SLC2A5: variants seen among roughly 807,000 people sequenced by gnomAD.
The protein encoded by SLC2A5 is solute carrier family 2 member 5.
A neutral mutation model predicts 50.3 loss-of-function variants in SLC2A5; 56 were observed. That is an observed-to-expected ratio of 1.11 (90% CI 0.90 to 1.39). The LOEUF (loss-of-function observed/expected upper bound fraction) is 1.39, where lower values mean the gene tolerates loss of function less well. Ranked by LOEUF, SLC2A5 falls within the 40% of genes most tolerant of loss-of-function variation. SLC2A5 has a pLI of 0.00. For missense variants in SLC2A5, 566 were observed against 650.1 expected (o/e 0.87, Z 1.41); for synonymous variants, 269 against 281.9 (o/e 0.95, Z 0.46).
At chr1:9,041,212 A>G in intron 5 of SLC2A5, 1 of 396,440 alleles carries the variant, frequency 2.5e-6, no homozygotes, top group Non-Finnish European at 4.4e-6. Context: ...TTAAAGGGAA[A>G]GTCGTGCAAA....
At chr1:9,063,614 C>G (rs1213505075) in intron 1 of SLC2A5, among the ~76,000 whole-genome samples, 7 of 150,630 alleles carry the variant, frequency 4.6e-5, no homozygotes, top group African/African-American at 1.7e-4. Context: ...CTCAAGTGAT[C>G]CACCTGCCTT....
intron 1 of SLC2A5, among the ~76,000 whole-genome samples, chr1:9,060,265 A>C: frequency 4.4e-5 from 5 of 113,104 alleles, no homozygotes; most frequent in Admixed American, 1.0e-4. Flanking sequence ...CTACACACAC[A>C]CTCCCCACAT....
chr1:9,042,424 T>TGC (rs1375207706), intron 4 of SLC2A5, among the ~76,000 whole-genome samples: 3 of 151,900 alleles, frequency 2.0e-5, no homozygotes, highest in African/African-American at 4.8e-5. Flanking sequence ...TGTGTGTGTG[T>TGC]GCGCGCGCAT....
chr1:9,073,486 C>T (rs2124466814), upstream of SLC2A5, among the ~76,000 whole-genome samples: 1 of 152,344 alleles, frequency 6.6e-6, no homozygotes, highest in South Asian at 2.1e-4. Flanking sequence ...GAGATTGAAG[C>T]CCCACAGGAC....
rs192562759 is a variant in SLC2A5 at position 9,084,178 on chromosome 1, C to T, written c.-59+836G>A. 2.6e-5 allele frequency among the ~76,000 whole-genome samples: 4 copies of T among 152,258 alleles called. No individual in the cohort carries two copies. In the East Asian group the frequency reaches 5.8e-4, roughly 22 times the overall value. ...AATAATAATAATACTAAACCCACAT[C>T]CACCAGTGCCATGACAGTTCCTGGG... On this transcript the variant is annotated intron_variant, in intron 2 of 5. Transcript: ENST00000464985.
upstream of SLC2A5, among the ~76,000 whole-genome samples, chr1:9,089,641 T>C (rs1054871215): frequency 6.6e-6 from 1 of 152,198 alleles, no homozygotes; most frequent in Non-Finnish European, 1.5e-5. Flanking sequence ...CCCCCACCTC[T>C]CTGGGAGTCT....
rs113429161 is a variant in SLC2A5 at position 9,041,582 on chromosome 1, C to T, written c.571+203G>A. On this transcript the variant is annotated intron_variant, in intron 5 of 11. Transcript: ENST00000377424. ...CTCCTAAGAGGGACTAGATAGTAAA[C>T]GCTGGCCAGTCCCTTATCGCGCCTT... is the stretch of plus-strand genomic sequence containing the variant. The T allele has an allele frequency of 7.0e-3, 10,001 of 1,432,420 alleles. 39 individuals are homozygous for T. The highest frequency in any genetic ancestry group is 7.6e-3 in the Non-Finnish European group (8,311 of 1,089,420). The allele number at this position is 1,432,420 out of a possible 1,614,324, so 88.7% of individuals were successfully genotyped here.
At chr1:9,049,149 G>A (rs1381042006) in intron 3 of SLC2A5, 4 of 456,086 alleles carry the variant, frequency 8.8e-6, no homozygotes, top group East Asian at 6.9e-5. Context: ...GGGGCCTCTC[G>A]CAATGGAGCC....
At chr1:9,046,792 T>C (rs142442231) in intron 4 of SLC2A5, among the ~76,000 whole-genome samples, 1 of 152,248 alleles carries the variant, frequency 6.6e-6, no homozygotes, top group African/African-American at 2.4e-5. Flanking sequence ...TATTTATTTA[T>C]CTTTGAGATG....
intron 3 of SLC2A5, among the ~76,000 whole-genome samples, chr1:9,048,828 T>C (rs1212125873): frequency 3.9e-5 from 6 of 152,004 alleles, no homozygotes; most frequent in Admixed American, 2.0e-4. Flanking sequence ...GCTAAGTGTT[T>C]GTATTTGTAA....
chr1:9,062,993 G>A (rs1199758052), intron 1 of SLC2A5, among the ~76,000 whole-genome samples: 6 of 152,166 alleles, frequency 3.9e-5, no homozygotes, highest in Non-Finnish European at 7.3e-5. Context: ...AACGGGCCAC[G>A]GTAGGGGTTA....
chr1:9,067,956 G>A (rs557679090), intron 1 of SLC2A5, among the ~76,000 whole-genome samples: 10 of 152,148 alleles, frequency 6.6e-5, no homozygotes, highest in East Asian at 1.9e-4. Context: ...TTGGGAGGCC[G>A]AGGCGGGCGG....
At chr1:9,047,802 G>A in intron 3 of SLC2A5, 68 bp from the exon 4 acceptor site, 1 of 1,546,812 alleles carries the variant, frequency 6.5e-7, no homozygotes, top group Non-Finnish European at 8.8e-7. Context: ...AATGTTTCTG[G>A]AGTGTCTCCT....
At chr1:9,071,553 C>CT (rs1338509954), upstream of SLC2A5, 1 of 152,552 alleles carries the variant, frequency 6.6e-6, no homozygotes, top group Non-Finnish European at 1.5e-5. Context: ...CCGGGGGTCG[C>CT]TGGGGGGGAC....
At chr1:9,064,572 G>C (rs758187894) in intron 1 of SLC2A5, among the ~76,000 whole-genome samples, 6 of 152,050 alleles carry the variant, frequency 3.9e-5, no homozygotes, top group Non-Finnish European at 7.4e-5. Context: ...AAACTTTTTG[G>C]GGGATGTGTA....
upstream of SLC2A5, among the ~76,000 whole-genome samples, chr1:9,090,793 T>C (rs77263919): frequency 0.029 from 4,362 of 152,310 alleles, 94 homozygotes; most frequent in Middle Eastern, 0.048. Flanking sequence ...ACTATTTCTG[T>C]CAGGCACTTC....
intron 2 of SLC2A5, 78 bp from the exon 3 acceptor site, chr1:9,057,686 C>A: frequency 1.0e-5 from 13 of 1,299,506 alleles, no homozygotes; most frequent in Non-Finnish European, 1.4e-5. Flanking sequence ...TTAGGACACC[C>A]AATGAAATAA....
At chr1:9,058,064 C>T (rs1268835456) in intron 2 of SLC2A5, 88 bp downstream of exon 2, 3 of 926,022 alleles carry the variant, frequency 3.2e-6, no homozygotes, top group East Asian at 2.5e-5. Flanking sequence ...GGACCCACTG[C>T]GTGAACAGCC....
intron 4 of SLC2A5, among the ~76,000 whole-genome samples, chr1:9,043,760 C>T (rs1454388588): frequency 2.7e-5 from 4 of 150,476 alleles, no homozygotes; most frequent in Admixed American, 1.3e-4. Flanking sequence ...TCGCTCTTGT[C>T]GCCCAGGCTG....
Sources: allele counts gnomAD v4.1 joint callset (sites outside exome capture counted in the v4.1 genomes callset), GRCh38; gene constraint gnomAD v4.1.1; transcripts MANE v1.5; gene names NCBI Gene and HGNC (gene_info 2026-07-23, HGNC 2026-07-21).